Variants in ARL10 observed in about 807,000 individuals in gnomAD.
ARL10 encodes ADP-ribosylation factor-like protein 10.
A neutral mutation model predicts 26.1 loss-of-function variants in ARL10; 23 were observed. That is an observed-to-expected ratio of 0.88 (90% CI 0.63 to 1.25). The LOEUF (loss-of-function observed/expected upper bound fraction) is 1.25. ARL10 is among the 50% of genes most tolerant of loss of function. The pLI is 0.00. For synonymous variants in ARL10, 138 were observed against 149.1 expected (o/e 0.93, Z 0.54); for missense variants, 300 against 323.6 (o/e 0.93, Z 0.56).
Position 176,375,364 on chromosome 5 carries a change from CATCT to C in ARL10, c.*3470_*3473del, listed in dbSNP as rs1230724279. On this transcript the variant is annotated 3_prime_UTR_variant, in exon 4 of 4. Transcript: ENST00000310389. ...CCACCCATCCATCCATCCATCCATC[CATCT>C]GTGGCTTCTACCTGTGCGAATCTCT... 7.3e-4 allele frequency: 109 copies of C among 148,900 alleles called. No homozygotes were observed. Among genetic ancestry groups the C allele is most frequent in the African/African-American group, 2.5e-3 (102 of 40,322 alleles). The allele number at this position is 148,900 out of a possible 1,614,324, so 9.2% of individuals were successfully genotyped here.
At chr5:176,389,668 G>A (rs959609339), downstream of ARL10, 6 of 612,016 alleles carry the variant, frequency 9.8e-6, no homozygotes, top group Non-Finnish European at 1.6e-5. Context: ...AAAAATCCTA[G>A]ATGCTGTTGT....
At chr5:176,365,794 G>A in intron 1 of ARL10, 48 bp downstream of exon 1, 1 of 1,231,306 alleles carries the variant, frequency 8.1e-7, no homozygotes, top group East Asian at 3.2e-5. Flanking sequence ...GCTGGGCTGC[G>A]ACTCCGCGCA....
At chr5:176,369,958 C>CAA (rs34183741) in intron 3 of ARL10, among the ~76,000 whole-genome samples, 19,003 of 136,034 alleles carry the variant, frequency 0.14, 1,367 homozygotes, top group Middle Eastern at 0.21. Flanking sequence ...GACCCTATCT[C>CAA]AAAAAAAAAA....
Position 176,371,873 on chromosome 5 carries a change from T to C in ARL10, c.713T>C (p.Leu238Pro). 6.2e-7 allele frequency: 1 copy of C among 1,614,162 alleles called. No individual in the cohort carries two copies. Among genetic ancestry groups the C allele is most frequent in the Admixed American group, 1.7e-5 (1 of 60,020 alleles). ...EEPGTVHIWKLLLELLS is the reference protein window; with the variant it reads ...EEPGTVHIWKPLLELLS ...CCTGGCACCGTGCACATCTGGAAAC[T>C]GCTCTTGGAGCTCCTCTCCTAGGCT... is the stretch of plus-strand genomic sequence containing the variant. Residue 238 changes from leucine (L) to proline (P), a missense_variant, in exon 4 of 4, where the codon CTG becomes CCG. Physicochemically the swap from Leu to Pro is moderately conservative, Grantham distance 98. Coordinates refer to ENST00000310389, the MANE Select transcript of ARL10 (RefSeq NM_173664.6).
At position 176,372,050 on chromosome 5, in the gene ARL10, A is replaced by C; in HGVS notation, c.*155A>C. 1 of 1,441,648 alleles carries C rather than the reference A, an allele frequency of 6.9e-7. No individual in the cohort carries two copies. Among genetic ancestry groups the C allele is most frequent in the Non-Finnish European group, 9.1e-7 (1 of 1,100,604 alleles). 89.3% of individuals were successfully genotyped at this position (1,441,648 alleles called of 1,614,324 possible). A position where few individuals can be genotyped will look rare whatever the true frequency, so the allele number is the denominator to read the frequency against. On this transcript the variant is annotated 3_prime_UTR_variant, in exon 4 of 4. Coordinates refer to ENST00000310389, the MANE Select transcript of ARL10 (RefSeq NM_173664.6). ...GAGCAGGGCCTGGGCAAGGCCAAGA[A>C]CCATGCAGAAGCCTTCCTGGTGAGG...
downstream of ARL10, among the ~76,000 whole-genome samples, chr5:176,404,549 G>A (rs759496789): frequency 6.6e-6 from 1 of 152,160 alleles, no homozygotes; most frequent in Admixed American, 6.5e-5. Context: ...CTAAACCTCC[G>A]CTGCAGCCTG....
chr5:176,414,771 C>T, the ARL10 span, among the ~76,000 whole-genome samples: 1 of 152,126 alleles, frequency 6.6e-6, no homozygotes, highest in Non-Finnish European at 1.5e-5. Flanking sequence ...TCTGGGCCAC[C>T]GGTTTCTTGC....
chr5:176,384,325 A>T, downstream of ARL10: 1 of 1,614,174 alleles, frequency 6.2e-7, no homozygotes, highest in Non-Finnish European at 8.5e-7. Flanking sequence ...CTTACTCCGA[A>T]TCTGTTTTGG....
chr5:176,388,360 A>T (rs1260961975), exon 2 of ARL10: 1 of 1,613,432 alleles, frequency 6.2e-7, no homozygotes. Context: ...GCAAAGAGAG[A>T]CATCGCGGAT....
chr5:176,367,356 G>C (rs1768354294), intron 2 of ARL10, among the ~76,000 whole-genome samples: 1 of 152,084 alleles, frequency 6.6e-6, no homozygotes, highest in Admixed American at 6.5e-5. Context: ...GCCCAGGCTG[G>C]AATGGCAGTG....
intron 1 of ARL10, chr5:176,397,584 T>G: frequency 1.3e-6 from 1 of 792,446 alleles, no homozygotes; most frequent in Non-Finnish European, 1.8e-6. Flanking sequence ...CATGGCCCCC[T>G]CATGTCCCTA....
chr5:176,392,718 G>A (rs1464978342), downstream of ARL10: 2 of 1,590,778 alleles, frequency 1.3e-6, no homozygotes, highest in Non-Finnish European at 1.7e-6. The surrounding 1 kb of genome is among the most constrained non-coding windows in gnomAD (Gnocchi z 5.2). Context: ...CAAAGCAGCT[G>A]CTCCTCCTGT....
chr5:176,384,432 C>G, downstream of ARL10: 4 of 1,542,758 alleles, frequency 2.6e-6, no homozygotes. Flanking sequence ...CAAATCTGAA[C>G]TCATCCTGAA....
At chr5:176,382,605 A>C (rs1214228608), downstream of ARL10, among the ~76,000 whole-genome samples, 1 of 152,110 alleles carries the variant, frequency 6.6e-6, no homozygotes, top group Non-Finnish European at 1.5e-5. Context: ...TCTCTGACCT[A>C]TTACCATCCC....
chr5:176,403,088 C>T (rs1756907145), downstream of ARL10, among the ~76,000 whole-genome samples: 1 of 144,296 alleles, frequency 6.9e-6, no homozygotes, highest in East Asian at 2.0e-4. Context: ...CTCGCTCTGT[C>T]GCCCAGGCTG....
chr5:176,384,851 G>A (rs1755706876), downstream of ARL10: 1 of 479,072 alleles, frequency 2.1e-6, no homozygotes, highest in South Asian at 3.5e-5. Context: ...ACCCATCATA[G>A]CCAGCTAATC....
At chr5:176,386,623 C>G, downstream of ARL10, 2 of 653,736 alleles carry the variant, frequency 3.1e-6, no homozygotes, top group South Asian at 3.1e-5. Context: ...CCCTAAACAT[C>G]TCTGACCTTA....
chr5:176,395,088 T>C (rs1478143264), intron 1 of ARL10, among the ~76,000 whole-genome samples: 2 of 143,688 alleles, frequency 1.4e-5, no homozygotes, highest in African/African-American at 5.2e-5. Flanking sequence ...CTCCCACCCA[T>C]CCCCACCATC....
At chr5:176,387,383 T>C (rs1304106817) in intron 1 of ARL10, among the ~76,000 whole-genome samples, 6 of 152,256 alleles carry the variant, frequency 3.9e-5, no homozygotes, top group Admixed American at 2.6e-4. Context: ...TTGTTCTCTA[T>C]TAAATCCCCA....
Sources: allele counts gnomAD v4.1 joint callset (sites outside exome capture counted in the v4.1 genomes callset), GRCh38; gene constraint gnomAD v4.1.1; non-coding constraint Gnocchi (gnomAD v3.1); transcripts MANE v1.5; gene names NCBI Gene and HGNC (gene_info 2026-07-23, HGNC 2026-07-21).